MROH9: variants seen among roughly 807,000 people sequenced by gnomAD.
MROH9 encodes maestro heat-like repeat-containing protein family member 9.
MROH9 carries 92 observed loss-of-function variants against 98.2 expected under a neutral mutation model. The observed-to-expected ratio is 0.94, with a 90% CI of 0.79 to 1.11. The LOEUF (loss-of-function observed/expected upper bound fraction) is 1.11. Among genes scored for constraint, MROH9 ranks in the 50% most tolerant of loss-of-function variants. MROH9 has a pLI of 0.00. For missense variants in MROH9, 1,057 were observed against 1,014.8 expected (o/e 1.04, Z -0.57); for synonymous variants, 397 against 368.9 (o/e 1.08, Z -0.87).
At chr1:171,026,816 T>C (rs1652728681) in intron 20 of MROH9, among the ~76,000 whole-genome samples, 3 of 152,096 alleles carry the variant, frequency 2.0e-5, no homozygotes. Context: ...AATATTTCCA[T>C]GAATCCAAAA....
At chr1:171,027,546 T>C (rs1436221672) in intron 20 of MROH9, among the ~76,000 whole-genome samples, 2 of 152,228 alleles carry the variant, frequency 1.3e-5, no homozygotes, top group African/African-American at 4.8e-5. Context: ...GTAAAATGAT[T>C]TGTATTCCTT....
intron 8 of MROH9, among the ~76,000 whole-genome samples, chr1:170,982,812 T>C (rs1446850394): frequency 2.0e-5 from 3 of 152,134 alleles, no homozygotes; most frequent in Non-Finnish European, 2.9e-5. Flanking sequence ...AGAAGATCAG[T>C]TGAGCCCAGG....
chr1:171,002,291 TG>T (rs1651809144), intron 15 of MROH9, among the ~76,000 whole-genome samples: 1 of 151,958 alleles, frequency 6.6e-6, no homozygotes, highest in Admixed American at 6.6e-5. Flanking sequence ...TGCTCTTTTT[TG>T]CCTGTGTATT....
In MROH9 at chr1:170,960,448, C is replaced by A. The variant is rs1649975611; in HGVS notation, c.288+851C>A. ...AAAAATGTGTTGTTATATAGCATTT[C>A]ATCATCCAAATGCCCCATGTTTATT... On this transcript the variant is annotated intron_variant, in intron 5 of 21. Transcript: ENST00000367759. Among the ~76,000 whole-genome samples the A allele has an allele frequency of 2.0e-5, 3 of 152,140 alleles. No homozygotes were observed. In the South Asian group the frequency reaches 6.2e-4, roughly 32 times the overall value.
intron 21 of MROH9, among the ~76,000 whole-genome samples, chr1:171,062,397 C>T (rs1444395214): frequency 6.6e-6 from 1 of 152,130 alleles, no homozygotes; most frequent in Non-Finnish European, 1.5e-5. Context: ...TCTATTTCCC[C>T]TTACTCTCTT....
chr1:170,952,787 A>G (rs554347060), intron 3 of MROH9, among the ~76,000 whole-genome samples: 1 of 151,804 alleles, frequency 6.6e-6, no homozygotes, highest in African/African-American at 2.4e-5. Context: ...AAGAAGCATT[A>G]GCAACAGTAT....
intron 11 of MROH9, 108 bp downstream of exon 11, chr1:170,990,111 T>C (rs913951879): frequency 9.6e-5 from 114 of 1,190,790 alleles, no homozygotes; most frequent in Non-Finnish European, 1.2e-4. Flanking sequence ...GCCTGGTTTC[T>C]TTTTTCTGAA....
At chr1:170,990,126 A>C in intron 11 of MROH9, 123 bp downstream of exon 11, 1 of 1,038,826 alleles carries the variant, frequency 9.6e-7, no homozygotes, top group Non-Finnish European at 1.3e-6. Flanking sequence ...TCTGAAAGAG[A>C]AAATCTATTT....
At position 170,996,591 on chromosome 1, in the gene MROH9, G is replaced by A; in HGVS notation, c.1422G>A (p.Trp474Ter). Residue 474 changes from tryptophan to a stop codon, truncating the protein, a stop_gained, in exon 14 of 22, where the codon TGG becomes TGA. Transcript: ENST00000367759. LOFTEE classifies it high-confidence loss of function. ...VDITLMKENF[W>*]DQLSEDLCYY... ...TTACTCTAATGAAGGAGAATTTCTG[G>A]GACCAGTTATCTGAAGATCTGTGTT... 6.2e-7 allele frequency: 1 copy of A among 1,613,554 alleles called. No homozygotes were observed.
At chr1:171,060,184 T>C (rs1270754166) in intron 20 of MROH9, among the ~76,000 whole-genome samples, 1 of 151,948 alleles carries the variant, frequency 6.6e-6, no homozygotes, top group Non-Finnish European at 1.5e-5. Flanking sequence ...AAAATACCAA[T>C]ACAATAGCAC....
chr1:170,987,763 T>C (rs1250298616), intron 10 of MROH9, among the ~76,000 whole-genome samples: 1 of 152,228 alleles, frequency 6.6e-6, no homozygotes, highest in Non-Finnish European at 1.5e-5. Flanking sequence ...AGCTCGACTT[T>C]TAAAATTTCA....
intron 20 of MROH9, among the ~76,000 whole-genome samples, chr1:171,052,559 G>A (rs915196069): frequency 5.9e-5 from 9 of 152,208 alleles, no homozygotes; most frequent in Admixed American, 2.6e-4. Flanking sequence ...GCTGCACCAA[G>A]TTCTCTACTC....
rs141057443 is a variant in MROH9 at position 171,031,028 on chromosome 1, G to A, written c.2281+5608G>A. On this transcript the variant is annotated intron_variant, in intron 20 of 21. Coordinates refer to ENST00000367759, the MANE Select transcript of MROH9 (RefSeq NM_001163629.2). The stretch of plus-strand genomic sequence containing the variant: ...TTCTTGTTGAATTGTTCCCTTTTCC[G>A]TAATGTAATGTCCTTTTTCTTCTTT... Among the ~76,000 whole-genome samples the A allele has an allele frequency of 1.8e-3, 269 of 152,084 alleles. 2 individuals are homozygous for A. The highest frequency in any genetic ancestry group is 6.1e-3 in the African/African-American group (254 of 41,500).
At chr1:171,060,428 T>C (rs1318082179) in intron 20 of MROH9, among the ~76,000 whole-genome samples, 1 of 152,180 alleles carries the variant, frequency 6.6e-6, no homozygotes, top group Non-Finnish European at 1.5e-5. Context: ...GTGTATGAAA[T>C]GTGACAAGCT....
chr1:170,935,902 G>C (rs1425136143), intron 1 of MROH9, among the ~76,000 whole-genome samples: 6 of 136,874 alleles, frequency 4.4e-5, no homozygotes, highest in African/African-American at 1.7e-4. Flanking sequence ...TGAGGCAGGA[G>C]AATCACTTGA....
chr1:170,999,337 C>T (rs138746112), intron 15 of MROH9, among the ~76,000 whole-genome samples: 1 of 152,150 alleles, frequency 6.6e-6, no homozygotes, highest in East Asian at 1.9e-4. Context: ...CCCCCAAGTC[C>T]CCAAAGTCCA....
Position 170,961,918 on chromosome 1 carries a change from A to G in MROH9, c.317A>G (p.Tyr106Cys), listed in dbSNP as rs767541054. Residue 106 changes from tyrosine (Y) to cysteine (C), a missense_variant, in exon 6 of 22, where the codon TAT (tyrosine) becomes TGT (cysteine). Transcript: ENST00000367759. ...ENLYHNILNI[Y>C]ENILTSLVSK... ...TTATACCACAATATTTTAAATATAT[A>G]TGAGAACATTCTTACGAGCTTGGTG... 3 of 1,530,894 alleles carry G rather than the reference A, an allele frequency of 2.0e-6. No individual in the cohort carries two copies. Among genetic ancestry groups the G allele is most frequent in the Non-Finnish European group, 1.8e-6 (2 of 1,129,364 alleles). 94.8% of individuals were successfully genotyped at this position (1,530,894 alleles called of 1,614,324 possible).
At chr1:171,062,850 G>C (rs1654053029) in intron 21 of MROH9, among the ~76,000 whole-genome samples, 1 of 151,816 alleles carries the variant, frequency 6.6e-6, no homozygotes, top group Non-Finnish European at 1.5e-5. Flanking sequence ...TTGAGCTGCA[G>C]GTACAGGGAC....
chr1:171,062,031 T>C, intron 20 of MROH9, 101 bp from the exon 21 acceptor site: 3 of 700,196 alleles, frequency 4.3e-6, no homozygotes, highest in Middle Eastern at 2.7e-4. Context: ...AATATAGAGA[T>C]GCTTTGCTTT....
Sources: gnomAD v4.1 joint callset for allele counts (sites outside exome capture counted in the v4.1 genomes callset) on GRCh38, gnomAD v4.1.1 for gene constraint, MANE v1.5 for transcripts, NCBI Gene and HGNC (gene_info 2026-07-23, HGNC 2026-07-21) for gene names.